Variants in LBP observed in about 807,000 individuals in gnomAD.
LBP encodes the protein lipopolysaccharide-binding protein.
A neutral mutation model predicts 56.6 loss-of-function variants in LBP; 53 were observed. The observed-to-expected ratio is 0.94, with a 90% CI of 0.75 to 1.18. LBP has a LOEUF of 1.18. Ranked by LOEUF, LBP falls within the 50% of genes most tolerant of loss-of-function variation. LBP has a pLI of 0.00. For missense variants in LBP, 601 were observed against 598.3 expected, an observed-to-expected ratio of 1.00 and a Z score of -0.05; for synonymous variants, 227 against 247.5, an observed-to-expected ratio of 0.92 and a Z score of 0.78.
intron 9 of LBP, 38 bp downstream of exon 9, chr20:38,366,866 G>A (rs1321488456): frequency 6.4e-7 from 1 of 1,568,528 alleles, no homozygotes; most frequent in Non-Finnish European, 8.8e-7. Context: ...TGCAGACCGA[G>A]CCTACTAGAC....
chr20:38,371,082 C>G (rs1233365007), intron 11 of LBP, among the ~76,000 whole-genome samples, 198 bp from the exon 12 acceptor site: 1 of 152,190 alleles, frequency 6.6e-6, no homozygotes, highest in African/African-American at 2.4e-5. Context: ...TTGACACTAT[C>G]TCATCTGCCC....
chr20:38,373,263 C>T (rs2076906931), intron 13 of LBP, 128 bp downstream of exon 13: 1 of 735,072 alleles, frequency 1.4e-6, no homozygotes, highest in Admixed American at 2.1e-5. Context: ...TCTCTCTGAG[C>T]TTAGTGACCT....
intron 5 of LBP, among the ~76,000 whole-genome samples, chr20:38,355,988 T>C (rs1489353197): frequency 6.6e-6 from 1 of 151,180 alleles, no homozygotes; most frequent in African/African-American, 2.4e-5. Context: ...GTTTCTGAGA[T>C]ATTAGCCAAA....
At chr20:38,356,750 T>C (rs1193718474) in intron 5 of LBP, among the ~76,000 whole-genome samples, 1 of 152,256 alleles carries the variant, frequency 6.6e-6, no homozygotes, top group Non-Finnish European at 1.5e-5. Flanking sequence ...GAATATATTA[T>C]TGTATAACTA....
intron 14 of LBP, 151 bp downstream of exon 14, chr20:38,374,164 C>T: frequency 1.4e-6 from 1 of 713,370 alleles, no homozygotes; most frequent in South Asian, 1.8e-5. Context: ...TGGGCCTTGC[C>T]ATATGCCACA....
At chr20:38,367,227 G>A (rs1416046414) in intron 9 of LBP, among the ~76,000 whole-genome samples, 1 of 152,178 alleles carries the variant, frequency 6.6e-6, no homozygotes, top group African/African-American at 2.4e-5. Flanking sequence ...GCCAAGGTGG[G>A]TGGATTGCTT....
At chr20:38,349,697 G>C in intron 2 of LBP, 35 bp downstream of exon 2, 1 of 1,412,446 alleles carries the variant, frequency 7.1e-7, no homozygotes, top group Non-Finnish European at 9.8e-7. Context: ...CTCTGAAGTG[G>C]CTGGAGCTGG....
intron 5 of LBP, among the ~76,000 whole-genome samples, chr20:38,357,191 G>A (rs1437130597): frequency 6.6e-6 from 1 of 152,142 alleles, no homozygotes; most frequent in Non-Finnish European, 1.5e-5. Flanking sequence ...TTGGAAGGAG[G>A]TGCCATTTTC....
intron 14 of LBP, 102 bp from the exon 15 acceptor site, chr20:38,376,523 G>A (rs146327714): frequency 2.8e-6 from 3 of 1,053,100 alleles, no homozygotes; most frequent in Non-Finnish European, 4.5e-6. Context: ...GATTCTGGCA[G>A]AGCTTGTGTT....
rs1391992517 is a variant in LBP at position 38,370,799 on chromosome 20, C to T, written c.1211C>T (p.Pro404Leu). The change falls in exon 11 of 15, where the codon CCA (proline) becomes CTA (leucine). Residue 404 changes from proline (P) to leucine (L), a missense_variant. Transcript: ENST00000217407. The stretch of plus-strand genomic sequence containing the variant: ...AGCAAGATCACTGGGTTCCTGAAGC[C>T]AGGAAAGTAAGTTGGCCTCCTACCT... ...NTSKITGFLK[P>L]GKVKVELKES... 1.2e-6 allele frequency: 2 copies of T among 1,613,828 alleles called. No homozygotes were observed. Among genetic ancestry groups the T allele is most frequent in the Non-Finnish European group, 1.7e-6 (2 of 1,179,906 alleles).
chr20:38,346,681 G>A lies in LBP; in HGVS notation c.124+41G>A, dbSNP rs142875263. ...TGCTGGCTGGACTTGGCAAACCCAC[G>A]CTCCAGGCTGCTCTGGGTACAGTGG... On this transcript the variant is annotated intron_variant, in intron 1 of 14. Coordinates refer to ENST00000217407, the MANE Select transcript of LBP (RefSeq NM_004139.5). The A allele has an allele frequency of 3.7e-5, 59 of 1,609,768 alleles. No homozygotes were observed. The Middle Eastern group carries it at 5.0e-4, about 14-fold the overall frequency.
chr20:38,371,195 C>G lies in LBP; in HGVS notation c.1218-85C>G, dbSNP rs1479758382. 3.7e-6 allele frequency: 4 copies of G among 1,073,506 alleles called. No individual in the cohort carries two copies. In the African/African-American group the frequency reaches 6.4e-5, roughly 17 times the overall value. The allele number at this position is 1,073,506 out of a possible 1,614,324, so 66.5% of individuals were successfully genotyped here. ...CCTTTGGCCCTGTGCCTTCTCAAGC[C>G]CATCCTTTCTCGCTTCTGGGGACCC... On this transcript the variant is annotated intron_variant, in intron 11 of 14. Coordinates refer to ENST00000217407, the MANE Select transcript of LBP (RefSeq NM_004139.5).
At position 38,360,752 on chromosome 20, in the gene LBP, C is replaced by T. The variant is rs370114388; in HGVS notation, c.637C>T (p.Leu213Phe). The change falls in exon 6 of 15, where the codon CTC becomes TTC. Residue 213 changes from leucine (L) to phenylalanine (F), a missense_variant. Transcript: ENST00000217407. ...AGTGTCCTCCGATCTACAGCCTTATCTCCAAACTCTGCCAGGTAGGACACC... is the reference window on the plus strand; with the variant it reads ...AGTGTCCTCCGATCTACAGCCTTATTTCCAAACTCTGCCAGGTAGGACACC... ...KSVSSDLQPY[L>F]QTLPVTTEID... 6 of 1,612,358 alleles carry T rather than the reference C, an allele frequency of 3.7e-6. No homozygotes were observed. Among genetic ancestry groups the T allele is most frequent in the Non-Finnish European group, 5.1e-6 (6 of 1,178,438 alleles).
chr20:38,372,133 G>A (rs1040294717), intron 12 of LBP, among the ~76,000 whole-genome samples: 28 of 152,242 alleles, frequency 1.8e-4, no homozygotes, highest in Admixed American at 1.1e-3. Context: ...GAAAGAGAAC[G>A]TGAAAATCAG....
At chr20:38,349,469 G>A (rs2076812610) in intron 1 of LBP, 79 bp from the exon 2 acceptor site, 1 of 1,037,632 alleles carries the variant, frequency 9.6e-7, no homozygotes, top group Admixed American at 2.0e-5. Flanking sequence ...CTTGAGGACA[G>A]GTGGGAGCCA....
intron 5 of LBP, among the ~76,000 whole-genome samples, chr20:38,358,974 C>T (rs544553298): frequency 1.3e-5 from 2 of 152,350 alleles, no homozygotes; most frequent in South Asian, 4.1e-4. Flanking sequence ...TGAAGGCCCA[C>T]AGCTATTCTT....
At chr20:38,350,499 G>A (rs2076816663) in intron 2 of LBP, among the ~76,000 whole-genome samples, 1 of 152,110 alleles carries the variant, frequency 6.6e-6, no homozygotes, top group Non-Finnish European at 1.5e-5. Flanking sequence ...TGCCACCGGG[G>A]GTCATTAGAT....
rs201571836 is a variant in LBP at position 38,349,666 on chromosome 20, G to A, written c.239+4G>A. ...GTGGGCGCTATGAGTTCCACAGGTG[G>A]GGCTCTCCCTTCTGCTGCGGCTCTG... is the stretch of plus-strand genomic sequence containing the variant. On this transcript the variant is annotated splice_donor_region_variant and intron_variant, in intron 2 of 14. Transcript: ENST00000217407. 1,339 of 1,586,856 alleles carry A rather than the reference G, an allele frequency of 8.4e-4. 1 individual carries two copies. Among genetic ancestry groups the A allele is most frequent in the Non-Finnish European group, 9.1e-4 (1,058 of 1,163,084 alleles).
chr20:38,362,420 C>G (rs1205237807), intron 6 of LBP, among the ~76,000 whole-genome samples: 1 of 147,746 alleles, frequency 6.8e-6, no homozygotes, highest in Non-Finnish European at 1.5e-5. Context: ...CGAGACCAGC[C>G]CAGTCAACAT....
Sources: allele counts gnomAD v4.1 joint callset (sites outside exome capture counted in the v4.1 genomes callset), GRCh38; gene constraint gnomAD v4.1.1; transcripts MANE v1.5; gene names NCBI Gene and HGNC (gene_info 2026-07-23, HGNC 2026-07-21).